KCNK5: variants seen among roughly 807,000 people sequenced by gnomAD.
KCNK5 encodes the protein potassium two pore domain channel subfamily K member 5.
In KCNK5, 18 loss-of-function variants were observed where a neutral mutation model predicts 32.9. The ratio of observed to expected loss-of-function variants is 0.55; its 90% CI spans 0.38 to 0.81. KCNK5 has a LOEUF of 0.81. KCNK5 is among the 30% of genes least tolerant of loss of function. The probability of loss-of-function intolerance (pLI) is 0.00; values close to 1 mark genes in which losing one functional copy is unlikely to be tolerated. For synonymous variants in KCNK5, 276 were observed against 275.3 expected (o/e 1.00, Z -0.03); for missense variants, 507 against 651.0 (o/e 0.78, Z 2.41).
intron 1 of KCNK5, among the ~76,000 whole-genome samples, chr6:39,226,581 G>A (rs1233566150): frequency 2.6e-5 from 4 of 152,054 alleles, no homozygotes; most frequent in Non-Finnish European, 4.4e-5. Context: ...TGATTCCAAG[G>A]TGATTCAGAA....
rs1226626372 is a variant in KCNK5 at position 39,192,283 on chromosome 6, C to CAAAAAAAAAAA, written c.635-539_635-529dup. Among the ~76,000 whole-genome samples, 2 of 46,718 alleles carry CAAAAAAAAAAA rather than the reference C, an allele frequency of 4.3e-5. 1 individual carries two copies. Among genetic ancestry groups the CAAAAAAAAAAA allele is most frequent in the Non-Finnish European group, 6.9e-5 (2 of 29,120 alleles). 30.6% of individuals were successfully genotyped at this position (46,718 alleles called of 152,430 possible). A position where few individuals can be genotyped will look rare whatever the true frequency, so the allele number is the denominator to read the frequency against. ...TGGGCAGCAGACAGAGACTCCGTCTCAAAAAAAAAAAAAAAAAAAAAAAAA... is the reference window on the plus strand; with the variant it reads ...TGGGCAGCAGACAGAGACTCCGTCTCAAAAAAAAAAAAAAAAAAAAAAAAAAAAAAAAAAAA... On this transcript the variant is annotated intron_variant, in intron 4 of 4. Transcript: ENST00000359534.
In KCNK5 at chr6:39,213,398, C is replaced by T. The variant is rs148571102; in HGVS notation, c.186+15528G>A. Among the ~76,000 whole-genome samples the T allele has an allele frequency of 2.5e-3, 377 of 152,310 alleles. 2 individuals are homozygous for T. Among genetic ancestry groups the T allele is most frequent in the African/African-American group, 8.4e-3 (350 of 41,566 alleles). ...TTGAGTTTCTATGACGCAATATTAA[C>T]GGAGAGAACCACACACTTTAACTTG... On this transcript the variant is annotated intron_variant, in intron 1 of 4. Transcript: ENST00000359534.
chr6:39,210,315 T>C (rs895931216), intron 1 of KCNK5, among the ~76,000 whole-genome samples: 2 of 152,034 alleles, frequency 1.3e-5, no homozygotes, highest in South Asian at 2.1e-4. Flanking sequence ...TCTCCCCATG[T>C]GTAAAATTAG....
Position 39,194,203 on chromosome 6 carries a change from G to A in KCNK5, c.600C>T (p.Thr200=), listed in dbSNP as rs1753929367. The part of the protein sequence containing the change: ...YIEGLYYSFI[T]ISTIGFGDFV... ...AGTCACCGAAGCCGATGGTGGAGAT[G>A]GTGATGAAGGAGTAGTAGAGGCCCT... The change falls in exon 4 of 5, where the codon ACC becomes ACT. Residue 200 remains threonine, a synonymous_variant. Transcript: ENST00000359534. The surrounding 1 kb of genome is among the most constrained non-coding windows in gnomAD (Gnocchi z 4.7). 4 of 1,614,040 alleles carry A rather than the reference G, an allele frequency of 2.5e-6. No homozygotes were observed. In the African/African-American group the frequency reaches 5.3e-5, roughly 22 times the overall value.
intron 1 of KCNK5, among the ~76,000 whole-genome samples, chr6:39,205,131 G>C (rs1771201020): frequency 6.6e-6 from 1 of 152,204 alleles, no homozygotes; most frequent in Non-Finnish European, 1.5e-5. Flanking sequence ...GCTAAGGCAA[G>C]CAGTGAAGGG....
chr6:39,228,699 G>A (rs894679147), intron 1 of KCNK5, among the ~76,000 whole-genome samples: 2 of 152,126 alleles, frequency 1.3e-5, no homozygotes, highest in Non-Finnish European at 2.9e-5. Context: ...TTTGTCTCCG[G>A]CCAAACTAAG....
rs538820843 is a variant in KCNK5 at position 39,197,369 on chromosome 6, G to A, written c.187-1382C>T. 1.2e-3 allele frequency among the ~76,000 whole-genome samples: 181 copies of A among 152,328 alleles called. 3 individuals are homozygous for A. Among genetic ancestry groups the A allele is most frequent in the Middle Eastern group, 3.4e-3 (1 of 294 alleles). On this transcript the variant is annotated intron_variant, in intron 1 of 4. Transcript: ENST00000359534. ...TGCAAAGAATTTTCCATGATGGCACGCTTGTCTGTCAGACCATCAAACCAC... is the reference window on the plus strand; with the variant it reads ...TGCAAAGAATTTTCCATGATGGCACACTTGTCTGTCAGACCATCAAACCAC...
chr6:39,214,655 T>G (rs976568683), intron 1 of KCNK5, among the ~76,000 whole-genome samples: 2 of 151,970 alleles, frequency 1.3e-5, no homozygotes, highest in Non-Finnish European at 2.9e-5. Flanking sequence ...CGAGGGCTTG[T>G]AGGGAGGGAG....
Position 39,194,479 on chromosome 6 carries a change from T to C in KCNK5, c.465+115A>G. On this transcript the variant is annotated intron_variant, in intron 3 of 4. Transcript: ENST00000359534. The surrounding 1 kb of genome is among the most constrained non-coding windows in gnomAD (Gnocchi z 4.7). ...CCGGGAGGGCAAGGAGCTCTGAAAC[T>C]ATCCTCTTGCCATCTGTCCTTACAC... 2 of 1,429,430 alleles carry C rather than the reference T, an allele frequency of 1.4e-6. No homozygotes were observed. Among genetic ancestry groups the C allele is most frequent in the Admixed American group, 2.1e-5 (1 of 48,188 alleles). 88.5% of individuals were successfully genotyped at this position (1,429,430 alleles called of 1,614,324 possible).
At chr6:39,207,060 C>A (rs541668925) in intron 1 of KCNK5, among the ~76,000 whole-genome samples, 8 of 152,186 alleles carry the variant, frequency 5.3e-5, no homozygotes, top group Non-Finnish European at 1.2e-4. Flanking sequence ...TTCCATTTAC[C>A]ACCTCCTGGG....
At chr6:39,192,471 A>G (rs1188797266) in intron 4 of KCNK5, among the ~76,000 whole-genome samples, 1 of 152,106 alleles carries the variant, frequency 6.6e-6, no homozygotes, top group Non-Finnish European at 1.5e-5. Flanking sequence ...TTAAAAACGG[A>G]ATGGATGGAT....
intron 1 of KCNK5, among the ~76,000 whole-genome samples, chr6:39,226,324 G>A (rs1016104731): frequency 2.2e-4 from 33 of 152,190 alleles, no homozygotes; most frequent in Non-Finnish European, 4.3e-4. Context: ...CCAGGCTGGC[G>A]GGTCACTGAG....
At position 39,190,154 on chromosome 6, in the gene KCNK5, CG is replaced by C. The variant is rs1770894694; in HGVS notation, c.*735del. On this transcript the variant is annotated 3_prime_UTR_variant, in exon 5 of 5. Transcript: ENST00000359534. Reference sequence around the variant, plus strand: ...ACTTGGGGGCCCACAGAAAGCCTTGCGTCTGCCACTGCTTGACCTGAGACAG... The same window carrying C: ...ACTTGGGGGCCCACAGAAAGCCTTGCTCTGCCACTGCTTGACCTGAGACAG... 6.6e-6 allele frequency: 1 copy of C among 152,440 alleles called. No homozygotes were observed. The highest frequency in any genetic ancestry group is 1.5e-5 in the Non-Finnish European group (1 of 68,268). The allele number at this position is 152,440 out of a possible 1,614,324, so 9.4% of individuals were successfully genotyped here. A position where few individuals can be genotyped will look rare whatever the true frequency, so the allele number is the denominator to read the frequency against.
At chr6:39,226,223 A>T (rs967831467) in intron 1 of KCNK5, among the ~76,000 whole-genome samples, 1 of 152,192 alleles carries the variant, frequency 6.6e-6, no homozygotes, top group African/African-American at 2.4e-5. Flanking sequence ...CAATTTAGGA[A>T]GAGGTTGGGA....
At chr6:39,193,753 C>T (rs145249275) in intron 4 of KCNK5, among the ~76,000 whole-genome samples, 12 of 152,332 alleles carry the variant, frequency 7.9e-5, no homozygotes, top group African/African-American at 2.9e-4. Context: ...CACCTCCCTC[C>T]ACTCTTGTGA....
intron 1 of KCNK5, among the ~76,000 whole-genome samples, chr6:39,196,945 C>T (rs965192823): frequency 6.6e-6 from 1 of 152,186 alleles, no homozygotes; most frequent in African/African-American, 2.4e-5. Flanking sequence ...AACCTGTTTC[C>T]ATCTGACTAG....
At chr6:39,224,915 C>G (rs1382425480) in intron 1 of KCNK5, among the ~76,000 whole-genome samples, 1 of 146,932 alleles carries the variant, frequency 6.8e-6, no homozygotes, top group Admixed American at 6.8e-5. Flanking sequence ...TCTTTTTTTT[C>G]TTTTTTTGAG....
At chr6:39,211,294 C>T (rs11970214) in intron 1 of KCNK5, among the ~76,000 whole-genome samples, 4,546 of 152,282 alleles carry the variant, frequency 0.03, 129 homozygotes, top group African/African-American at 0.076. Flanking sequence ...TCTCTTTCTA[C>T]AGCCTGGTCC....
rs1359998852 is a variant in KCNK5 at position 39,191,165 on chromosome 6, C to A, written c.1225G>T (p.Asp409Tyr). 6.2e-7 allele frequency: 1 copy of A among 1,614,104 alleles called. No homozygotes were observed. Among genetic ancestry groups the A allele is most frequent in the Non-Finnish European group, 8.5e-7 (1 of 1,180,046 alleles). Residue 409 changes from aspartate (D) to tyrosine (Y), a missense_variant, in exon 5 of 5, where the codon GAC becomes TAC. By Grantham distance (160) the Asp-to-Tyr change is radical (BLOSUM62 -3). Transcript: ENST00000359534. The surrounding 1 kb of genome is among the most constrained non-coding windows in gnomAD (Gnocchi z 5.8). ...TCCTGGAAGATGAGTGGGTGGTAGT[C>A]CTGGGCGTCCCATGGCTCGCATTCC... ...SEECEPWDAQ[D>Y]YHPLIFQDAS... is the part of the protein sequence containing the mutation.
Sources: allele counts gnomAD v4.1 joint callset (sites outside exome capture counted in the v4.1 genomes callset), GRCh38; gene constraint gnomAD v4.1.1; non-coding constraint Gnocchi (gnomAD v3.1); transcripts MANE v1.5; gene names NCBI Gene and HGNC (gene_info 2026-07-23, HGNC 2026-07-21).